The following CCDC171 variants were observed in gnomAD, a reference collection of about 807,000 sequenced individuals.
The protein encoded by CCDC171 is coiled-coil domain containing 171.
Under a neutral mutation model 168.2 loss-of-function variants are expected in CCDC171, and 177 were observed. That is an observed-to-expected ratio of 1.05 (90% CI 0.93 to 1.19). The LOEUF is 1.19. Among genes scored for constraint, CCDC171 ranks in the 50% most tolerant of loss-of-function variants. The probability of loss-of-function intolerance (pLI) is 0.00; values close to 1 mark genes in which losing one functional copy is unlikely to be tolerated. For missense variants in CCDC171, 1,991 were observed against 1,539.0 expected, an observed-to-expected ratio of 1.29 and a Z score of -4.91; for synonymous variants, 687 against 540.8, an observed-to-expected ratio of 1.27 and a Z score of -3.75.
At position 15,745,504 on chromosome 9, in the gene CCDC171, C is replaced by G. The variant is rs1163113728; in HGVS notation, c.2555-11C>G. On this transcript the variant is annotated splice_polypyrimidine_tract_variant and intron_variant, in intron 17 of 25. Coordinates refer to ENST00000380701, the MANE Select transcript of CCDC171 (RefSeq NM_173550.4). The stretch of plus-strand genomic sequence containing the variant: ...TGTAGAATTTTACAATGGATTTTTT[C>G]AATTTTATAGAACATCAAAAGGAGC... 1 of 1,503,586 alleles carries G rather than the reference C, an allele frequency of 6.7e-7. No homozygotes were observed. The highest frequency in any genetic ancestry group is 8.9e-7 in the Non-Finnish European group (1 of 1,120,244). 93.1% of individuals were successfully genotyped at this position (1,503,586 alleles called of 1,614,324 possible).
At chr9:15,622,770 C>T (rs1361424425) in intron 6 of CCDC171, among the ~76,000 whole-genome samples, 3 of 151,896 alleles carry the variant, frequency 2.0e-5, no homozygotes, top group Non-Finnish European at 2.9e-5. Context: ...TTTGAAAATC[C>T]AAGAGGAAAT....
At chr9:15,710,797 G>A (rs1215026403) in intron 11 of CCDC171, among the ~76,000 whole-genome samples, 4 of 151,148 alleles carry the variant, frequency 2.6e-5, no homozygotes, top group Admixed American at 1.3e-4. Flanking sequence ...GGGTTTTGCC[G>A]TGTTGACCAG....
chr9:15,580,198 C>T (rs1472169511), intron 4 of CCDC171, among the ~76,000 whole-genome samples: 1 of 152,140 alleles, frequency 6.6e-6, no homozygotes, highest in Non-Finnish European at 1.5e-5. Context: ...CTTTATCTCT[C>T]ACCTTATATA....
chr9:15,739,362 G>A (rs1306453295), intron 16 of CCDC171, among the ~76,000 whole-genome samples: 2 of 152,188 alleles, frequency 1.3e-5, no homozygotes, highest in African/African-American at 4.8e-5. Flanking sequence ...TGAGGACAGT[G>A]GGAGAAGGTG....
intron 25 of CCDC171, among the ~76,000 whole-genome samples, chr9:15,944,645 G>A (rs1455432046): frequency 2.6e-5 from 4 of 151,972 alleles, no homozygotes; most frequent in African/African-American, 4.8e-5. Context: ...TAGGCATGCG[G>A]GTTTAAATGA....
chr9:15,931,654 G>A (rs1826532991), intron 25 of CCDC171, among the ~76,000 whole-genome samples: 1 of 150,692 alleles, frequency 6.6e-6, no homozygotes, highest in South Asian at 2.1e-4. Flanking sequence ...TTTTGTTTTT[G>A]TTGCCTGTGT....
chr9:15,643,308 T>C (rs1182426193), intron 7 of CCDC171, among the ~76,000 whole-genome samples: 1 of 152,148 alleles, frequency 6.6e-6, no homozygotes, highest in African/African-American at 2.4e-5. Context: ...AACCTTATCC[T>C]TTATACTTTC....
the CCDC171 span, among the ~76,000 whole-genome samples, chr9:16,107,637 CAT>C: frequency 1.3e-5 from 2 of 151,982 alleles, no homozygotes; most frequent in African/African-American, 2.4e-5. Flanking sequence ...AATATATATA[CAT>C]GTAAGTGTTT....
chr9:16,009,732 A>T (rs1454923762), intron 3 of CCDC171, among the ~76,000 whole-genome samples: 1 of 152,326 alleles, frequency 6.6e-6, no homozygotes, highest in East Asian at 1.9e-4. Context: ...TCGTTTTTTT[A>T]AAATCTAGAT....
At chr9:15,779,304 A>AG (rs1405254158) in intron 20 of CCDC171, among the ~76,000 whole-genome samples, 154 bp downstream of exon 20, 24 of 152,178 alleles carry the variant, frequency 1.6e-4, no homozygotes, top group Non-Finnish European at 3.1e-4. Flanking sequence ...CTTCCTGTCT[A>AG]AAATGCCTCT....
At chr9:15,951,443 C>T (rs192950048) in intron 25 of CCDC171, among the ~76,000 whole-genome samples, 5 of 152,258 alleles carry the variant, frequency 3.3e-5, no homozygotes, top group Admixed American at 6.5e-5. Flanking sequence ...TACATTTCCA[C>T]CAACAGAGCA....
rs2042174675 is a variant in CCDC171 at position 15,594,119 on chromosome 9, T to G, written c.622T>G (p.Leu208Val). The change falls in exon 6 of 26, where the codon TTA (leucine) becomes GTA (valine). Residue 208 changes from leucine to valine, a missense_variant. Leu to Val is a conservative substitution (Grantham distance 32, BLOSUM62 1). Transcript: ENST00000380701. ...IRETALEEFRLQEEQWEAERR... is the reference protein window; with the variant it reads ...IRETALEEFRVQEEQWEAERR... ...GGAGACAGCATTGGAGGAGTTTAGA[T>G]TACAAGAAGAACAATGGGAAGCAGA... The G allele has an allele frequency of 3.9e-6, 6 of 1,519,424 alleles. No individual in the cohort carries two copies. The highest frequency in any genetic ancestry group is 4.6e-6 in the Non-Finnish European group (5 of 1,098,056). 94.1% of individuals were successfully genotyped at this position (1,519,424 alleles called of 1,614,324 possible). A position where few individuals can be genotyped will look rare whatever the true frequency, so the allele number is the denominator to read the frequency against.
chr9:15,837,433 A>C (rs1397022264), intron 21 of CCDC171, among the ~76,000 whole-genome samples: 1 of 152,232 alleles, frequency 6.6e-6, no homozygotes, highest in African/African-American at 2.4e-5. Context: ...ATTCATGTAC[A>C]TATATACACA....
chr9:15,570,423 CAT>C (rs2040134099), intron 2 of CCDC171, among the ~76,000 whole-genome samples: 1 of 151,588 alleles, frequency 6.6e-6, no homozygotes, highest in African/African-American at 2.4e-5. Context: ...CATCTTTCTG[CAT>C]AGTCTTTCAA....
chr9:16,038,866 C>CAAA (rs375463651), upstream of CCDC171, among the ~76,000 whole-genome samples: 5 of 50,428 alleles, frequency 9.9e-5, no homozygotes, highest in Admixed American at 4.5e-4. Context: ...CCTATCAGGC[C>CAAA]AAAAAAAAAA....
At position 15,596,314 on chromosome 9, in the gene CCDC171, T is replaced by A. The variant is rs112639054; in HGVS notation, c.675+2142T>A. Among the ~76,000 whole-genome samples, 1,451 of 152,104 alleles carry A rather than the reference T, an allele frequency of 9.5e-3. 5 individuals are homozygous for A. The highest frequency in any genetic ancestry group is 0.016 in the Non-Finnish European group (1,086 of 67,874). ...AAGTCTTTAATCCATCTTGAATTAA[T>A]TTTTGTATAAGGTGTAAGGAAGGGA... On this transcript the variant is annotated intron_variant, in intron 6 of 25. Coordinates refer to ENST00000380701, the MANE Select transcript of CCDC171 (RefSeq NM_173550.4).
chr9:16,043,087 A>G (rs1432803481), intron 1 of CCDC171, among the ~76,000 whole-genome samples: 1 of 152,200 alleles, frequency 6.6e-6, no homozygotes, highest in Non-Finnish European at 1.5e-5. Flanking sequence ...TGATGAGCCC[A>G]AGTCAGCATT....
At chr9:15,846,883 A>G (rs764488370) in intron 22 of CCDC171, 36 bp downstream of exon 22, 53 of 1,561,992 alleles carry the variant, frequency 3.4e-5, no homozygotes, top group Non-Finnish European at 4.3e-5. Flanking sequence ...CACTTAAAAC[A>G]GACAAAAGAT....
intron 14 of CCDC171, among the ~76,000 whole-genome samples, chr9:15,726,409 G>C (rs2053805108): frequency 6.6e-6 from 1 of 152,132 alleles, no homozygotes; most frequent in African/African-American, 2.4e-5. Flanking sequence ...ACTTCCTTGA[G>C]AACAAACGTG....
Sources: allele counts gnomAD v4.1 joint callset (sites outside exome capture counted in the v4.1 genomes callset), GRCh38; gene constraint gnomAD v4.1.1; transcripts MANE v1.5; gene names NCBI Gene and HGNC (gene_info 2026-07-23, HGNC 2026-07-21).